Variants in ITGAE observed in about 807,000 individuals in gnomAD.
The protein encoded by ITGAE is integrin subunit alpha E, also known as integrin alpha-E.
A neutral mutation model predicts 136.5 loss-of-function variants in ITGAE; 99 were observed. That is an observed-to-expected ratio of 0.73 (90% confidence interval 0.62 to 0.86). ITGAE has a LOEUF of 0.86. Among genes scored for constraint, ITGAE ranks in the 40% least tolerant of loss-of-function variants. The pLI, the probability that ITGAE is intolerant of heterozygous loss-of-function variation, is 0.00. For missense variants in ITGAE, 1,447 were observed against 1,515.3 expected (o/e 0.95, Z 0.75); for synonymous variants, 613 against 591.8 (o/e 1.04, Z -0.52).
chr17:3,715,230 T>G (rs1022278325), intron 30 of ITGAE, among the ~76,000 whole-genome samples: 1 of 152,222 alleles, frequency 6.6e-6, no homozygotes, highest in Admixed American at 6.5e-5. Flanking sequence ...TCGGCTGTAC[T>G]GGATCTAATC....
intron 3 of ITGAE, 146 bp from the exon 4 acceptor site, chr17:3,762,128 C>CG: frequency 1.5e-6 from 1 of 663,162 alleles, no homozygotes; most frequent in Non-Finnish European, 2.6e-6. Flanking sequence ...AAAGCTAGAG[C>CG]GGGGGCCTTC....
At chr17:3,791,935 A>G (rs1020719353) in intron 1 of ITGAE, among the ~76,000 whole-genome samples, 3 of 152,162 alleles carry the variant, frequency 2.0e-5, no homozygotes, top group Non-Finnish European at 4.4e-5. Flanking sequence ...GCTTTGTTAT[A>G]GTTATCTCGT....
chr17:3,764,791 A>C (rs1343411523), intron 2 of ITGAE, among the ~76,000 whole-genome samples: 3 of 152,116 alleles, frequency 2.0e-5, no homozygotes, highest in Non-Finnish European at 4.4e-5. Context: ...CTGACTGCAA[A>C]CTTCTTGCCC....
intron 19 of ITGAE, among the ~76,000 whole-genome samples, chr17:3,740,867 G>A (rs1398639710): frequency 7.2e-5 from 11 of 152,244 alleles, no homozygotes; most frequent in Non-Finnish European, 1.5e-4. Context: ...CGGCTGGAGA[G>A]CCTCTGCACT....
rs1251592861 is a variant in ITGAE, at chr17:3,798,995, G to C, written c.34+2116C>G. ...AGAAGTAGGCATCACCAGAGTGGCT[G>C]GCCTGGAGAGAGTGGAAGGTCAGGG... is the stretch of plus-strand genomic sequence containing the variant. On this transcript the variant is annotated intron_variant, in intron 1 of 30. Coordinates refer to ENST00000263087, the MANE Select transcript of ITGAE (RefSeq NM_002208.5). The surrounding 1 kb of genome is among the most constrained non-coding windows in gnomAD (Gnocchi z 4.3). Among the ~76,000 whole-genome samples the C allele has an allele frequency of 2.0e-5, 3 of 152,178 alleles. No individual in the cohort carries two copies. The highest frequency in any genetic ancestry group is 4.4e-5 in the Non-Finnish European group (3 of 68,028).
chr17:3,731,215 TTCTC>T (rs1350241562), intron 22 of ITGAE, 32 bp from the exon 23 acceptor site: 2 of 1,547,500 alleles, frequency 1.3e-6, no homozygotes, highest in Non-Finnish European at 1.8e-6. Context: ...GGTCAGTTGA[TTCTC>T]TCTATGCCAC....
At chr17:3,777,016 AG>A (rs1200477180) in intron 2 of ITGAE, among the ~76,000 whole-genome samples, 1 of 145,134 alleles carries the variant, frequency 6.9e-6, no homozygotes, top group Non-Finnish European at 1.5e-5. Context: ...GCTGGAGTGC[AG>A]TGGCGCCATC....
rs140173085 is a variant in ITGAE at position 3,780,224 on chromosome 17, G to A, written c.35-2564C>T. Among the ~76,000 whole-genome samples, 228 of 150,086 alleles carry A rather than the reference G, an allele frequency of 1.5e-3. 2 individuals are homozygous for A. Among genetic ancestry groups the A allele is most frequent in the African/African-American group, 5.2e-3 (211 of 40,790 alleles). ...CACACTCTGTCACCCAGGCTGGAGC[G>A]CAGAGGCGAGATCTCAGCTCACTGC... On this transcript the variant is annotated intron_variant, in intron 1 of 30. Coordinates refer to ENST00000263087, the MANE Select transcript of ITGAE (RefSeq NM_002208.5).
intron 29 of ITGAE, 59 bp from the exon 30 acceptor site, chr17:3,716,857 T>C (rs1260172768): frequency 1.0e-5 from 10 of 963,262 alleles, no homozygotes; most frequent in Non-Finnish European, 1.7e-5. Context: ...GAAAAAATCC[T>C]ACATGTTATT....
intron 20 of ITGAE, among the ~76,000 whole-genome samples, chr17:3,739,523 T>C (rs1199559130): frequency 2.6e-5 from 4 of 152,154 alleles, no homozygotes; most frequent in Non-Finnish European, 5.9e-5. Context: ...AATATAGCAT[T>C]GTCCGGGATG....
At chr17:3,725,871 G>A in intron 26 of ITGAE, 1 of 1,610,270 alleles carries the variant, frequency 6.2e-7, no homozygotes, top group Non-Finnish European at 8.5e-7. Flanking sequence ...ACTGCGCTTT[G>A]AGCACCGAGA....
At chr17:3,763,306 GTTCATTCATTCA>G (rs55992020) in intron 3 of ITGAE, among the ~76,000 whole-genome samples, 2 of 150,528 alleles carry the variant, frequency 1.3e-5, no homozygotes, top group African/African-American at 2.4e-5. Flanking sequence ...AGTGAATCAG[GTTCATTCATTCA>G]TTCATTCATT....
intron 6 of ITGAE, 74 bp from the exon 7 acceptor site, chr17:3,760,361 C>T (rs2052135912): frequency 3.8e-6 from 3 of 786,544 alleles, no homozygotes; most frequent in Non-Finnish European, 6.4e-6. Context: ...GTAGGGCATG[C>T]ACCCCCACTG....
chr17:3,726,200 A>G (rs1227820823), intron 26 of ITGAE: 1 of 1,614,228 alleles, frequency 6.2e-7, no homozygotes, highest in South Asian at 1.1e-5. Flanking sequence ...TGCTGAAACA[A>G]ATGACCTTCA....
intron 1 of ITGAE, among the ~76,000 whole-genome samples, chr17:3,791,467 G>A (rs1382475080): frequency 6.6e-6 from 1 of 152,056 alleles, no homozygotes; most frequent in Non-Finnish European, 1.5e-5. Context: ...ACTTTTAGTA[G>A]AGATGGGGTT....
chr17:3,723,525 G>A (rs2051104568), intron 27 of ITGAE, 142 bp from the exon 28 acceptor site: 2 of 986,930 alleles, frequency 2.0e-6, no homozygotes, highest in East Asian at 2.6e-5. Context: ...CCCAAGCGAA[G>A]CTCCAGCGGG....
chr17:3,774,640 C>T (rs1447128164), intron 2 of ITGAE, among the ~76,000 whole-genome samples: 1 of 152,134 alleles, frequency 6.6e-6, no homozygotes, highest in Non-Finnish European at 1.5e-5. Context: ...TGGCGGGCGC[C>T]TGTAATCCCA....
chr17:3,786,134 T>C (rs1327037734), intron 1 of ITGAE, among the ~76,000 whole-genome samples: 8 of 137,394 alleles, frequency 5.8e-5, no homozygotes, highest in African/African-American at 2.3e-4. Flanking sequence ...GCCACTGCAC[T>C]CCAGCCTGGG....
rs1427919813 is a variant in ITGAE at position 3,797,219 on chromosome 17, G to A, written c.34+3892C>T. Among the ~76,000 whole-genome samples, 7 of 142,158 alleles carry A rather than the reference G, an allele frequency of 4.9e-5. 1 individual carries two copies. Among genetic ancestry groups the A allele is most frequent in the South Asian group, 4.6e-4 (2 of 4,362 alleles). 93.3% of individuals were successfully genotyped at this position (142,158 alleles called of 152,430 possible). On this transcript the variant is annotated intron_variant, in intron 1 of 30. Coordinates refer to ENST00000263087, the MANE Select transcript of ITGAE (RefSeq NM_002208.5). Reference sequence around the variant, plus strand: ...CTCGCTCTGTCGCCCAGGCTGGAGTGCAGTGGCGCAATCTCGGCTCACTGC... The same window carrying A: ...CTCGCTCTGTCGCCCAGGCTGGAGTACAGTGGCGCAATCTCGGCTCACTGC...
Sources: gnomAD v4.1 joint callset for allele counts (sites outside exome capture counted in the v4.1 genomes callset) on GRCh38, gnomAD v4.1.1 for gene constraint, Gnocchi (gnomAD v3.1) non-coding constraint, MANE v1.5 for transcripts, NCBI Gene and HGNC (gene_info 2026-07-23, HGNC 2026-07-21) for gene names.